Variants in ARHGEF28 observed in about 807,000 individuals in gnomAD.
The protein encoded by ARHGEF28 is 190 kDa guanine nucleotide exchange factor.
Under a neutral mutation model 206.6 loss-of-function variants are expected in ARHGEF28, and 152 were observed. The observed-to-expected ratio is 0.74, with a 90% CI of 0.64 to 0.84. The LOEUF is 0.84. ARHGEF28 is among the 40% of genes least tolerant of loss of function. The probability of loss-of-function intolerance (pLI) is 0.00; values close to 1 mark genes in which losing one functional copy is unlikely to be tolerated. For synonymous variants in ARHGEF28, 763 were observed against 776.4 expected (o/e 0.98, Z 0.29); for missense variants, 2,028 against 2,073.2 (o/e 0.98, Z 0.42).
intron 4 of ARHGEF28, among the ~76,000 whole-genome samples, chr5:73,755,316 T>TG (rs11392859): frequency 0.2 from 30,740 of 151,720 alleles, 3,492 homozygotes; most frequent in Non-Finnish European, 0.25. Flanking sequence ...GGTGTTTTTT[T>TG]GGGGGGGTGT....
intron 2 of ARHGEF28, among the ~76,000 whole-genome samples, chr5:73,746,305 A>G (rs1580559927): frequency 1.3e-5 from 2 of 152,250 alleles, no homozygotes; most frequent in African/African-American, 4.8e-5. Context: ...GTAATCATGC[A>G]ATTGTGGAAC....
At chr5:73,836,267 T>G (rs900381180) in intron 10 of ARHGEF28, among the ~76,000 whole-genome samples, 1 of 151,636 alleles carries the variant, frequency 6.6e-6, no homozygotes. Flanking sequence ...TTCCCAACAG[T>G]GTATAAGAAT....
chr5:73,935,401 C>T (rs1014418382), intron 35 of ARHGEF28, among the ~76,000 whole-genome samples: 4 of 152,158 alleles, frequency 2.6e-5, no homozygotes, highest in Non-Finnish European at 4.4e-5. Context: ...GACTGGTTGT[C>T]ATGCCAGGGG....
rs371543707 is a variant in ARHGEF28 at position 73,656,607 on chromosome 5, A to T, written c.-11-28234A>T. On this transcript the variant is annotated intron_variant, in intron 1 of 35. Coordinates refer to ENST00000513042, the MANE Select transcript of ARHGEF28 (RefSeq NM_001177693.2). ...CCCTAGATTATGGCAACTGCATCTAAGCACATCCTCCTGCATCTACCCTTG... is the reference window on the plus strand; with the variant it reads ...CCCTAGATTATGGCAACTGCATCTATGCACATCCTCCTGCATCTACCCTTG... Among the ~76,000 whole-genome samples, 300 of 152,268 alleles carry T rather than the reference A, an allele frequency of 2.0e-3. 13 individuals are homozygous for T. The South Asian group carries it at 0.06, about 31-fold the overall frequency.
Position 73,873,011 on chromosome 5 carries a change from C to T in ARHGEF28, c.2579C>T (p.Thr860Ile), listed in dbSNP as rs1458799034. Residue 860 changes from threonine to isoleucine, a missense_variant, in exon 22 of 36, where the codon ACA becomes ATA. Around this residue, in one of 3 missense-constraint regions of ARHGEF28, gnomAD observed 223 missense variants for 289.9 expected, o/e 0.77. Coordinates refer to ENST00000513042, the MANE Select transcript of ARHGEF28 (RefSeq NM_001177693.2). ...RQDVIFELMQTEMHHIQTLFI... is the reference protein window; with the variant it reads ...RQDVIFELMQIEMHHIQTLFI... Reference sequence around the variant, plus strand: ...TCACACATTTCAGAGCTAATGCAAACAGAGATGCATCACATCCAGACCCTG... The same window carrying T: ...TCACACATTTCAGAGCTAATGCAAATAGAGATGCATCACATCCAGACCCTG... 1 of 1,613,492 alleles carries T rather than the reference C, an allele frequency of 6.2e-7. No individual in the cohort carries two copies. Among genetic ancestry groups the T allele is most frequent in the African/African-American group, 1.3e-5 (1 of 74,908 alleles).
At chr5:73,910,969 CTTT>C (rs1762866609) in intron 34 of ARHGEF28, among the ~76,000 whole-genome samples, 1 of 152,156 alleles carries the variant, frequency 6.6e-6, no homozygotes, top group Non-Finnish European at 1.5e-5. Context: ...ATGTTTTCAA[CTTT>C]TTTATTTAGC....
At position 73,794,487 on chromosome 5, in the gene ARHGEF28, C is replaced by T. The variant is rs754619867; in HGVS notation, c.963+33C>T. The T allele has an allele frequency of 2.3e-5, 35 of 1,513,616 alleles. 1 individual carries two copies. Among genetic ancestry groups the T allele is most frequent in the Admixed American group, 1.3e-4 (7 of 53,356 alleles). 93.8% of individuals were successfully genotyped at this position (1,513,616 alleles called of 1,614,324 possible). ...ATGACTCCCTGCTTCTTTCTTTGCA[C>T]GTCTTTCCATAAAGTAGAAATGAAG... On this transcript the variant is annotated intron_variant, in intron 8 of 35. Coordinates refer to ENST00000513042, the MANE Select transcript of ARHGEF28 (RefSeq NM_001177693.2).
At chr5:73,697,789 T>G (rs979177191) in intron 2 of ARHGEF28, among the ~76,000 whole-genome samples, 3 of 152,206 alleles carry the variant, frequency 2.0e-5, no homozygotes, top group Non-Finnish European at 4.4e-5. Flanking sequence ...CTTAGTTGAT[T>G]AGAGCATCTC....
chr5:73,856,695 T>G (rs916329586), intron 14 of ARHGEF28, among the ~76,000 whole-genome samples: 3 of 152,160 alleles, frequency 2.0e-5, no homozygotes, highest in African/African-American at 7.2e-5. Context: ...TATATTTTGG[T>G]GTAAATCAGT....
At chr5:73,779,753 T>G (rs115968743) in intron 6 of ARHGEF28, among the ~76,000 whole-genome samples, 1,665 of 152,256 alleles carry the variant, frequency 0.011, 24 homozygotes, top group African/African-American at 0.039. Flanking sequence ...GAACACAGTG[T>G]CCTGGAAGTG....
At chr5:73,891,900 T>C (rs935961200) in intron 26 of ARHGEF28, among the ~76,000 whole-genome samples, 152 bp from the exon 27 acceptor site, 11 of 152,302 alleles carry the variant, frequency 7.2e-5, no homozygotes, top group Non-Finnish European at 1.2e-4. Flanking sequence ...ACCGTCTCCA[T>C]TGGAGATTGT....
intron 31 of ARHGEF28, chr5:73,903,263 A>G (rs1762373204): frequency 6.6e-6 from 1 of 152,226 alleles, no homozygotes; most frequent in South Asian, 2.1e-4. Context: ...AGGACAGGGC[A>G]TCTGATGGTC....
chr5:73,911,302 TTA>T lies in ARHGEF28; in HGVS notation c.4677_4678del (p.Cys1560SerfsTer2), dbSNP rs766994294. The T allele has an allele frequency of 1.2e-6, 2 of 1,602,200 alleles. No individual in the cohort carries two copies. The highest frequency in any genetic ancestry group is 2.7e-5 in the African/African-American group (2 of 74,832). On this transcript the variant is annotated frameshift_variant, in exon 35 of 36. Coordinates refer to ENST00000513042, the MANE Select transcript of ARHGEF28 (RefSeq NM_001177693.2). LOFTEE classifies it high-confidence loss of function. ...AATGGAACTTAATCGATCTGAGAGT[TTA>T]TGTCATGAAAACTCATTCTTCATCA... ...EVMELNRSES[L>X]CHENSFFINE...
At chr5:73,902,070 A>G (rs1406350395) in intron 31 of ARHGEF28, 1 of 152,162 alleles carries the variant, frequency 6.6e-6, no homozygotes, top group African/African-American at 2.4e-5. Context: ...ATGTGAAAAA[A>G]TGGCAAATGT....
intron 2 of ARHGEF28, among the ~76,000 whole-genome samples, chr5:73,707,262 G>T (rs1748994526): frequency 3.3e-5 from 5 of 152,194 alleles, no homozygotes; most frequent in Admixed American, 1.3e-4. Flanking sequence ...GAGCAGAGAG[G>T]CAAATTCAGA....
intron 2 of ARHGEF28, among the ~76,000 whole-genome samples, chr5:73,717,087 A>G (rs972952231): frequency 3.3e-5 from 5 of 152,316 alleles, no homozygotes; most frequent in African/African-American, 9.6e-5. Flanking sequence ...ATTTTTTAGA[A>G]TCCTGAAAAA....
intron 4 of ARHGEF28, 134 bp downstream of exon 4, chr5:73,753,336 G>A: frequency 1.1e-6 from 1 of 923,520 alleles, no homozygotes; most frequent in Non-Finnish European, 1.5e-6. Flanking sequence ...GATGTGGAGG[G>A]GCTCCCTGAG....
In ARHGEF28 at chr5:73,887,508, T is replaced by G. The variant is rs1355330607; in HGVS notation, c.3311-95T>G. ...TAATACAGGTATTTTTATAAAACTT[T>G]CATACTTAGACTAAATCTTAGTCTT... On this transcript the variant is annotated intron_variant, in intron 25 of 35. Coordinates refer to ENST00000513042, the MANE Select transcript of ARHGEF28 (RefSeq NM_001177693.2). The G allele has an allele frequency of 1.0e-5, 10 of 958,946 alleles. No individual in the cohort carries two copies. In the African/African-American group the frequency reaches 1.5e-4, roughly 14 times the overall value. 59.4% of individuals were successfully genotyped at this position (958,946 alleles called of 1,614,324 possible). A position where few individuals can be genotyped will look rare whatever the true frequency, so the allele number is the denominator to read the frequency against.
At chr5:73,780,475 C>A (rs890588762) in intron 6 of ARHGEF28, 1 of 569,002 alleles carries the variant, frequency 1.8e-6, no homozygotes, top group Admixed American at 3.0e-5. Flanking sequence ...TTGGCCCCTG[C>A]CTTGGAGTTT....
Sources: gnomAD v4.1 joint callset for allele counts (sites outside exome capture counted in the v4.1 genomes callset) on GRCh38, gnomAD v4.1.1 for gene constraint, gnomAD v4.1.1 regional missense constraint, MANE v1.5 for transcripts, NCBI Gene and HGNC (gene_info 2026-07-23, HGNC 2026-07-21) for gene names.